Variants in BCL7C observed in about 807,000 individuals in gnomAD.
BCL7C encodes BAF chromatin remodeling complex subunit BCL7C, also known as B-cell CLL/lymphoma 7 protein family member C.
In BCL7C, 8 loss-of-function variants were observed where a neutral mutation model predicts 26.2. The observed-to-expected ratio is 0.30, with a 90% CI of 0.18 to 0.55. The LOEUF (loss-of-function observed/expected upper bound fraction) is 0.55. Ranked by LOEUF, BCL7C falls within the 20% of genes least tolerant of loss-of-function variation. The pLI is 0.93. For synonymous variants in BCL7C, 90 were observed against 116.5 expected, an observed-to-expected ratio of 0.77 and a Z score of 1.47; for missense variants, 262 against 298.5, an observed-to-expected ratio of 0.88 and a Z score of 0.90.
chr16:30,888,117 T>G, intron 5 of BCL7C, 127 bp from the exon 6 acceptor site: 17 of 836,842 alleles, frequency 2.0e-5, no homozygotes, highest in Middle Eastern at 3.7e-4. Flanking sequence ...CAGGGCCAGA[T>G]GCCCAGGATG....
chr16:30,879,851 A>G (rs1205368011), intron 5 of BCL7C, among the ~76,000 whole-genome samples: 4 of 151,788 alleles, frequency 2.6e-5, no homozygotes, highest in African/African-American at 4.8e-5. Context: ...TTAGCTGGGC[A>G]TGGTGGCAGG....
chr16:30,880,823 C>T (rs1302671190), intron 5 of BCL7C, among the ~76,000 whole-genome samples: 2 of 152,050 alleles, frequency 1.3e-5, no homozygotes, highest in Admixed American at 1.3e-4. Context: ...CTCAGCCTCC[C>T]AAGTAGCTGG....
chr16:30,892,609 G>T lies in BCL7C; in HGVS notation c.419C>A (p.Pro140His). Residue 140 changes from proline to histidine, a missense_variant, in exon 4 of 6, where the codon CCC becomes CAC. Transcript: ENST00000215115. ...PPEGVPEEAQ[P>H]PRLGQERDPG... ...ACCTCTCTCTTGGCCCAGCCGTGGG[G>T]GCTGAGCCTCCTCAGGGACCCCTTC... The T allele has an allele frequency of 6.3e-7, 1 of 1,592,512 alleles. No individual in the cohort carries two copies. The highest frequency in any genetic ancestry group is 8.5e-7 in the Non-Finnish European group (1 of 1,171,638).
rs1048145626 is a variant in BCL7C at position 30,868,955 on chromosome 16, C to CT, written c.528+19904dup. Reference sequence around the variant, plus strand: ...TTTTAAAATGAATCTGTAATTTTTTCTTTTTTTTTGAACTCCTGACCTCAA... The same window carrying CT: ...TTTTAAAATGAATCTGTAATTTTTTCTTTTTTTTTTGAACTCCTGACCTCAA... On this transcript the variant is annotated intron_variant, in intron 5 of 5. Coordinates refer to the BCL7C transcript ENST00000380317. 3.4e-4 allele frequency among the ~76,000 whole-genome samples: 52 copies of CT among 150,858 alleles called. 2 individuals carry two copies. The South Asian group carries it at 8.2e-3, about 24-fold the overall frequency.
intron 5 of BCL7C, chr16:30,840,686 A>AATT (rs1476564393): frequency 6.6e-6 from 1 of 152,244 alleles, no homozygotes; most frequent in African/African-American, 2.4e-5. Context: ...AAAGAGGTTT[A>AATT]ATTGACTCAC....
At chr16:30,879,255 T>G (rs1459072732) in intron 5 of BCL7C, among the ~76,000 whole-genome samples, 2 of 152,120 alleles carry the variant, frequency 1.3e-5, no homozygotes, top group African/African-American at 2.4e-5. Flanking sequence ...CCCAGATTTT[T>G]GGGGAGACTG....
chr16:30,844,348 C>CAA (rs55663737), intron 5 of BCL7C, among the ~76,000 whole-genome samples: 6 of 73,402 alleles, frequency 8.2e-5, no homozygotes, highest in African/African-American at 2.3e-4. Context: ...GACTCCGTCT[C>CAA]AAAAAAAAAA....
chr16:30,862,359 T>C (rs1489880603), intron 5 of BCL7C, among the ~76,000 whole-genome samples: 1 of 152,212 alleles, frequency 6.6e-6, no homozygotes, highest in Non-Finnish European at 1.5e-5. Context: ...TCGCTTTCAC[T>C]TGGATTGACC....
intron 5 of BCL7C, among the ~76,000 whole-genome samples, chr16:30,872,174 G>A (rs1174085910): frequency 6.6e-6 from 1 of 152,172 alleles, no homozygotes; most frequent in African/African-American, 2.4e-5. Context: ...TTCTGATGAA[G>A]ATGATGGCAA....
At position 30,893,203 on chromosome 16, in the gene BCL7C, G is replaced by A; in HGVS notation, c.171+9C>T. 6.2e-7 allele frequency: 1 copy of A among 1,611,856 alleles called. No individual in the cohort carries two copies. On this transcript the variant is annotated intron_variant, in intron 2 of 5. Coordinates refer to ENST00000215115, the MANE Select transcript of BCL7C (RefSeq NM_004765.4). The surrounding 1 kb of genome is among the most constrained non-coding windows in gnomAD (Gnocchi z 5.2). ...GATGCAGGGCCTTGTGGGAATGGGG[G>A]TTGCTCACCTCCTCCTGGGGATCCA...
intron 5 of BCL7C, among the ~76,000 whole-genome samples, chr16:30,864,013 C>CAT (rs754879741): frequency 2.0e-5 from 3 of 152,132 alleles, no homozygotes; most frequent in Non-Finnish European, 4.4e-5. Flanking sequence ...TCTACCTCTC[C>CAT]CCAGCTATCT....
chr16:30,844,608 C>T (rs1389905006), intron 5 of BCL7C, among the ~76,000 whole-genome samples: 2 of 152,160 alleles, frequency 1.3e-5, no homozygotes, highest in Non-Finnish European at 2.9e-5. Flanking sequence ...TGGCATTAAT[C>T]TCTGTGCTTC....
chr16:30,840,758 A>AT (rs1379438435), intron 5 of BCL7C: 1 of 152,210 alleles, frequency 6.6e-6, no homozygotes, highest in Non-Finnish European at 1.5e-5. Context: ...GGAAGCAAAC[A>AT]TGTCCTTGTT....
chr16:30,836,196 G>A (rs1409500198), intron 5 of BCL7C, among the ~76,000 whole-genome samples: 2 of 152,206 alleles, frequency 1.3e-5, no homozygotes, highest in Non-Finnish European at 2.9e-5. Context: ...AGAAGTTTTA[G>A]TGAACCAAGA....
intron 5 of BCL7C, among the ~76,000 whole-genome samples, chr16:30,855,642 G>A (rs1339938178): frequency 3.3e-5 from 5 of 152,104 alleles, no homozygotes; most frequent in Non-Finnish European, 4.4e-5. Flanking sequence ...TCATTGCTAC[G>A]GACGGGGCAT....
intron 5 of BCL7C, among the ~76,000 whole-genome samples, chr16:30,868,546 G>A (rs982838240): frequency 1.3e-5 from 2 of 151,762 alleles, no homozygotes; most frequent in Non-Finnish European, 2.9e-5. Flanking sequence ...AGCACTTTGG[G>A]AGGCCGAGGT....
At chr16:30,883,481 A>G (rs568073415), downstream of BCL7C, among the ~76,000 whole-genome samples, 1 of 145,434 alleles carries the variant, frequency 6.9e-6, no homozygotes, top group African/African-American at 2.6e-5. Flanking sequence ...CTCCCGCCTC[A>G]GCCTCCCAAA....
intron 5 of BCL7C, among the ~76,000 whole-genome samples, chr16:30,867,932 G>A (rs1438626903): frequency 6.6e-6 from 1 of 152,106 alleles, no homozygotes; most frequent in African/African-American, 2.4e-5. Flanking sequence ...CTGGAAGAGA[G>A]AGTGAAACAG....
chr16:30,864,398 A>G (rs1329349833), intron 5 of BCL7C, among the ~76,000 whole-genome samples: 1 of 152,072 alleles, frequency 6.6e-6, no homozygotes, highest in Admixed American at 6.6e-5. Flanking sequence ...TAGTTTCTCA[A>G]TTAATACAAA....
Sources: allele counts gnomAD v4.1 joint callset (sites outside exome capture counted in the v4.1 genomes callset), GRCh38; gene constraint gnomAD v4.1.1; non-coding constraint Gnocchi (gnomAD v3.1); transcripts MANE v1.5; gene names NCBI Gene and HGNC (gene_info 2026-07-23, HGNC 2026-07-21).